Variants in MYH14 observed in about 807,000 individuals in gnomAD.
The protein encoded by MYH14 is myosin heavy chain 14.
In MYH14, 123 loss-of-function variants were observed where a neutral mutation model predicts 255.5. The observed-to-expected ratio is 0.48, with a 90% CI of 0.42 to 0.56. The LOEUF (loss-of-function observed/expected upper bound fraction) is 0.56. MYH14 is among the 20% of genes least tolerant of loss of function. The probability of loss-of-function intolerance (pLI) is 0.00; values close to 1 mark genes in which losing one functional copy is unlikely to be tolerated. For missense variants in MYH14, 2,423 were observed against 2,802.3 expected (o/e 0.86, Z 3.06); for synonymous variants, 1,095 against 1,161.2 (o/e 0.94, Z 1.16).
chr19:50,243,679 A>G (rs1174750552), intron 10 of MYH14, among the ~76,000 whole-genome samples: 1 of 152,228 alleles, frequency 6.6e-6, no homozygotes, highest in Non-Finnish European at 1.5e-5. Context: ...AGAATCGACT[A>G]TACTTTATAT....
intron 41 of MYH14, chr19:50,308,290 T>G (rs2036721781): frequency 1.3e-5 from 2 of 152,132 alleles, no homozygotes; most frequent in South Asian, 4.1e-4. Flanking sequence ...CTGTTGTTAT[T>G]TTAGTCCTGG....
chr19:50,223,387 C>A (rs1218831176), intron 5 of MYH14, 38 bp downstream of exon 5: 1 of 1,329,958 alleles, frequency 7.5e-7, no homozygotes, highest in Non-Finnish European at 1.1e-6. Flanking sequence ...CGGGCCCTGC[C>A]ACAGCACTGC....
intron 2 of MYH14, among the ~76,000 whole-genome samples, chr19:50,212,864 C>T (rs972702695): frequency 9.9e-5 from 15 of 152,146 alleles, no homozygotes; most frequent in African/African-American, 3.6e-4. Context: ...GAAAAGAGGC[C>T]TCTACATGAT....
intron 39 of MYH14, among the ~76,000 whole-genome samples, chr19:50,295,599 TG>T (rs1261636900): frequency 6.6e-6 from 1 of 151,966 alleles, no homozygotes; most frequent in Non-Finnish European, 1.5e-5. Flanking sequence ...CAGACCAGCT[TG>T]GATGACATGG....
At chr19:50,286,947 G>C (rs747290462) in intron 34 of MYH14, among the ~76,000 whole-genome samples, 1 of 152,090 alleles carries the variant, frequency 6.6e-6, no homozygotes, top group Non-Finnish European at 1.5e-5. Context: ...GTGAAACCCT[G>C]TCTCTACTAA....
At chr19:50,244,479 AT>A (rs36011027) in intron 11 of MYH14, 142 bp downstream of exon 11, 32,908 of 426,466 alleles carry the variant, frequency 0.077, 5 homozygotes, top group Middle Eastern at 0.11. Flanking sequence ...GATTTCCTGC[AT>A]TTTTTTTTTT....
Position 50,276,877 on chromosome 19 carries a change from G to A in MYH14, c.3801G>A (p.Ala1267=), listed in dbSNP as rs370936033. The A allele has an allele frequency of 1.4e-5, 22 of 1,611,108 alleles. No homozygotes were observed. The highest frequency in any genetic ancestry group is 4.0e-5 in the African/African-American group (3 of 74,872). The change falls in exon 29 of 43, where the codon GCG becomes GCA. Residue 1267 remains alanine, a synonymous_variant. Transcript: ENST00000642316. This position sits in a 1 kb window ranked among gnomAD's most constrained non-coding sequence, Gnocchi z 4.3. ...QRHGQALGEL[A]EQLEQARRGK... is the part of the protein sequence containing the mutation. ...ACGGCCAGGCCCTGGGGGAGCTGGCGGAGCAGCTGGAGCAGGCCCGGAGGG... is the reference window on the plus strand; with the variant it reads ...ACGGCCAGGCCCTGGGGGAGCTGGCAGAGCAGCTGGAGCAGGCCCGGAGGG...
At chr19:50,285,763 G>A (rs1202227313) in intron 33 of MYH14, 1 of 152,096 alleles carries the variant, frequency 6.6e-6, no homozygotes, top group Non-Finnish European at 1.5e-5. Context: ...GGTTGTTAAA[G>A]TTCCATTAAT....
chr19:50,253,546 G>C (rs753241945), intron 16 of MYH14, among the ~76,000 whole-genome samples: 1 of 151,990 alleles, frequency 6.6e-6, no homozygotes, highest in South Asian at 2.1e-4. Context: ...TGCTTTCTTT[G>C]TTTTCTTACA....
At chr19:50,205,970 C>T (rs1168886687) in intron 1 of MYH14, among the ~76,000 whole-genome samples, 2 of 152,204 alleles carry the variant, frequency 1.3e-5, no homozygotes, top group East Asian at 3.9e-4. Flanking sequence ...TCAAGCCCAG[C>T]AGTCTCGGCC....
At chr19:50,204,886 C>A (rs1266746947) in intron 1 of MYH14, among the ~76,000 whole-genome samples, 1 of 151,182 alleles carries the variant, frequency 6.6e-6, no homozygotes, top group Non-Finnish European at 1.5e-5. Flanking sequence ...CAGAGAGAGA[C>A]CCTGTCTCTC....
At chr19:50,258,884 C>T (rs1489092680) in intron 18 of MYH14, among the ~76,000 whole-genome samples, 1 of 152,050 alleles carries the variant, frequency 6.6e-6, no homozygotes, top group Non-Finnish European at 1.5e-5. Flanking sequence ...ATCTTTTCTC[C>T]TTAGCACTTA....
intron 33 of MYH14, among the ~76,000 whole-genome samples, chr19:50,284,514 C>T (rs1179619335): frequency 1.3e-5 from 2 of 151,940 alleles, no homozygotes; most frequent in East Asian, 3.9e-4. Context: ...ATTACAGGCA[C>T]ATGCCGCCAC....
rs56728213 is a variant in MYH14, at chr19:50,251,521, TACACACACACAC to T, written c.1830+871_1830+882del. Among the ~76,000 whole-genome samples, 618 of 72,602 alleles carry T rather than the reference TACACACACACAC, an allele frequency of 8.5e-3. 3 individuals are homozygous for T. Among genetic ancestry groups the T allele is most frequent in the Middle Eastern group, 0.075 (9 of 120 alleles). 47.6% of individuals were successfully genotyped at this position (72,602 alleles called of 152,430 possible). On this transcript the variant is annotated intron_variant, in intron 15 of 42. Coordinates refer to ENST00000642316, the MANE Select transcript of MYH14 (RefSeq NM_001145809.2). Reference sequence around the variant, plus strand: ...TATACACACATATATATATACACACTACACACACACACACACACACACACACACACACACACA... The same window carrying T: ...TATACACACATATATATATACACACTACACACACACACACACACACACACA...
Position 50,292,347 on chromosome 19 carries a change from G to T in MYH14, c.5214G>T (p.Lys1738Asn). The T allele has an allele frequency of 6.3e-7, 1 of 1,593,056 alleles. No homozygotes were observed. Among genetic ancestry groups the T allele is most frequent in the Non-Finnish European group, 8.5e-7 (1 of 1,170,290 alleles). Residue 1738 changes from lysine to asparagine, a missense_variant, in exon 37 of 43, where the codon AAG (lysine) becomes AAT (asparagine). Transcript: ENST00000642316. ...EIFSQNRESE[K>N]RLKGLEAEVL... ...TCTCCCAGAATCGGGAAAGTGAAAA[G>T]CGCCTCAAGGGCCTGGAGGCTGAGG...
rs369267749 is a variant in MYH14, at chr19:50,209,139, C to A, written c.-3-1224C>A. 2.8e-4 allele frequency among the ~76,000 whole-genome samples: 43 copies of A among 152,160 alleles called. No homozygotes were observed. The South Asian group carries it at 8.3e-3, about 29-fold the overall frequency. ...TACCACTGCACTCCAGCCTGAGCAACGGAGTGAAACCTCATCTCAAAATAA... is the reference window on the plus strand; with the variant it reads ...TACCACTGCACTCCAGCCTGAGCAAAGGAGTGAAACCTCATCTCAAAATAA... On this transcript the variant is annotated intron_variant, in intron 1 of 42. Coordinates refer to ENST00000642316, the MANE Select transcript of MYH14 (RefSeq NM_001145809.2).
At chr19:50,234,581 G>A (rs140153770) in intron 10 of MYH14, among the ~76,000 whole-genome samples, 1,010 of 67,232 alleles carry the variant, frequency 0.015, 2 homozygotes, top group Middle Eastern at 0.041. Flanking sequence ...CCCCCACCCC[G>A]CCGCATTTCC....
intron 10 of MYH14, among the ~76,000 whole-genome samples, chr19:50,234,323 C>T (rs150819136): frequency 3.3e-5 from 5 of 152,276 alleles, no homozygotes; most frequent in African/African-American, 1.2e-4. Flanking sequence ...TCATTGTTTG[C>T]GTGAACTATG....
chr19:50,254,397 T>A (rs1407910100), intron 16 of MYH14, among the ~76,000 whole-genome samples: 1 of 152,184 alleles, frequency 6.6e-6, no homozygotes, highest in African/African-American at 2.4e-5. Context: ...AAGCAGAGTT[T>A]GATGTTCAGG....
Sources: gnomAD v4.1 joint callset for allele counts (sites outside exome capture counted in the v4.1 genomes callset) on GRCh38, gnomAD v4.1.1 for gene constraint, Gnocchi (gnomAD v3.1) non-coding constraint, MANE v1.5 for transcripts, NCBI Gene and HGNC (gene_info 2026-07-23, HGNC 2026-07-21) for gene names.